MACROD2: variants seen among roughly 807,000 people sequenced by gnomAD.
MACROD2 encodes the protein ADP-ribose glycohydrolase MACROD2.
MACROD2 carries 36 observed loss-of-function variants against 70.4 expected under a neutral mutation model. The ratio of observed to expected loss-of-function variants is 0.51; its 90% CI spans 0.39 to 0.68. MACROD2 has a LOEUF of 0.68. Among genes scored for constraint, MACROD2 ranks in the 30% least tolerant of loss-of-function variants. The pLI, the probability that MACROD2 is intolerant of heterozygous loss-of-function variation, is 0.00. For missense variants in MACROD2, 496 were observed against 538.4 expected (o/e 0.92, Z 0.78); for synonymous variants, 172 against 178.8 (o/e 0.96, Z 0.30).
chr20:15,087,116 C>T (rs1325967883), intron 5 of MACROD2, among the ~76,000 whole-genome samples: 1 of 151,972 alleles, frequency 6.6e-6, no homozygotes, highest in African/African-American at 2.4e-5. Flanking sequence ...ATTTATCTTT[C>T]TATTTCTCTA....
At chr20:14,436,085 A>C (rs989333950) in intron 3 of MACROD2, among the ~76,000 whole-genome samples, 2 of 152,170 alleles carry the variant, frequency 1.3e-5, no homozygotes, top group Non-Finnish European at 2.9e-5. Context: ...AATACAAAGC[A>C]ATCTTTTCCA....
chr20:14,670,015 C>T (rs2070777170), intron 4 of MACROD2, among the ~76,000 whole-genome samples: 1 of 151,944 alleles, frequency 6.6e-6, no homozygotes, highest in Non-Finnish European at 1.5e-5. Flanking sequence ...CGAGGATGCT[C>T]TTGAGAAAGA....
chr20:14,077,592 A>G (rs1228972707), intron 2 of MACROD2, among the ~76,000 whole-genome samples: 2 of 152,220 alleles, frequency 1.3e-5, no homozygotes, highest in Non-Finnish European at 2.9e-5. Context: ...TACTGTTGAT[A>G]AGGGAAAAAG....
intron 12 of MACROD2, among the ~76,000 whole-genome samples, chr20:15,966,746 G>C (rs1038679825): frequency 1.3e-5 from 2 of 152,102 alleles, no homozygotes; most frequent in African/African-American, 2.4e-5. Flanking sequence ...GTCTAAAAAA[G>C]TGTCTGGCAT....
intron 5 of MACROD2, among the ~76,000 whole-genome samples, chr20:15,173,563 T>C (rs557968741): frequency 2.6e-5 from 4 of 152,336 alleles, no homozygotes; most frequent in African/African-American, 9.6e-5. Flanking sequence ...TTGTCCCATG[T>C]AGCACAGAGA....
intron 5 of MACROD2, among the ~76,000 whole-genome samples, chr20:14,809,836 G>T (rs2072687380): frequency 6.6e-6 from 1 of 152,056 alleles, no homozygotes; most frequent in African/African-American, 2.4e-5. Context: ...AAATCTAGAA[G>T]AAATGGATAA....
intron 5 of MACROD2, among the ~76,000 whole-genome samples, chr20:15,070,665 G>T (rs1467102026): frequency 6.6e-6 from 1 of 152,004 alleles, no homozygotes; most frequent in African/African-American, 2.4e-5. Context: ...TGACACACTG[G>T]CTCCCCCTTT....
At chr20:15,312,234 T>C (rs2077760865) in intron 6 of MACROD2, among the ~76,000 whole-genome samples, 1 of 152,234 alleles carries the variant, frequency 6.6e-6, no homozygotes, top group African/African-American at 2.4e-5. Context: ...ATATGCACAC[T>C]CACACTTTTG....
chr20:14,649,101 T>C (rs544312905), intron 4 of MACROD2, among the ~76,000 whole-genome samples: 8 of 152,306 alleles, frequency 5.3e-5, no homozygotes, highest in African/African-American at 1.9e-4. Context: ...TCCTCCATAC[T>C]TAGGGCTTCT....
chr20:15,079,571 A>G (rs1333551085), intron 5 of MACROD2, among the ~76,000 whole-genome samples: 1 of 151,814 alleles, frequency 6.6e-6, no homozygotes, highest in South Asian at 2.1e-4. Flanking sequence ...ACTATATTCC[A>G]CCATTCATCC....
chr20:16,037,072 A>G (rs1368639993), intron 15 of MACROD2, among the ~76,000 whole-genome samples: 1 of 151,976 alleles, frequency 6.6e-6, no homozygotes, highest in African/African-American at 2.4e-5. Flanking sequence ...CAAATCTGCC[A>G]TTGAATCTCA....
At chr20:14,793,286 T>A (rs773352368) in intron 5 of MACROD2, among the ~76,000 whole-genome samples, 15 of 152,022 alleles carry the variant, frequency 9.9e-5, no homozygotes, top group Non-Finnish European at 1.6e-4. Flanking sequence ...AGTGGCAGAA[T>A]AAACAGTTCT....
intron 3 of MACROD2, among the ~76,000 whole-genome samples, chr20:14,349,793 A>G (rs943857753): frequency 2.0e-5 from 3 of 149,918 alleles, no homozygotes; most frequent in Non-Finnish European, 3.0e-5. Flanking sequence ...ATTGCAAATG[A>G]CAGAATCTTA....
chr20:14,422,115 T>C (rs2083882195), intron 3 of MACROD2, among the ~76,000 whole-genome samples: 1 of 152,198 alleles, frequency 6.6e-6, no homozygotes, highest in Non-Finnish European at 1.5e-5. Context: ...ATAATTGTTA[T>C]ATATTTTTGA....
At chr20:15,578,845 G>T (rs1353620761) in intron 8 of MACROD2, among the ~76,000 whole-genome samples, 2 of 152,200 alleles carry the variant, frequency 1.3e-5, no homozygotes, top group East Asian at 3.9e-4. Context: ...AAAACAAACA[G>T]TATAACATTA....
At chr20:15,862,654 C>T (rs2064440321) in intron 8 of MACROD2, 91 bp from the exon 9 acceptor site, 1 of 965,160 alleles carries the variant, frequency 1.0e-6, no homozygotes, top group African/African-American at 1.6e-5. Flanking sequence ...CTGTATGAGG[C>T]CTTTCCATTT....
chr20:15,411,202 G>T (rs962237122), intron 6 of MACROD2, among the ~76,000 whole-genome samples: 1 of 151,502 alleles, frequency 6.6e-6, no homozygotes, highest in Non-Finnish European at 1.5e-5. Flanking sequence ...GAGAGAAAGA[G>T]ATTTTTAAGC....
At chr20:15,624,748 T>C (rs1406985629) in intron 8 of MACROD2, among the ~76,000 whole-genome samples, 1 of 152,168 alleles carries the variant, frequency 6.6e-6, no homozygotes, top group African/African-American at 2.4e-5. Context: ...TCTGGCCCTT[T>C]ACAGAAAAAG....
intron 6 of MACROD2, among the ~76,000 whole-genome samples, chr20:15,287,350 C>A (rs1237438125): frequency 6.6e-6 from 1 of 152,104 alleles, no homozygotes; most frequent in Non-Finnish European, 1.5e-5. Flanking sequence ...TGTTTTTCAG[C>A]GTTGTACTGC....
Sources: allele counts gnomAD v4.1 joint callset (sites outside exome capture counted in the v4.1 genomes callset), GRCh38; gene constraint gnomAD v4.1.1; transcripts MANE v1.5; gene names NCBI Gene and HGNC (gene_info 2026-07-23, HGNC 2026-07-21).